Variants in TOM1 observed in about 807,000 individuals in gnomAD.
TOM1 encodes the protein target of Myb protein 1.
Under a neutral mutation model 61.3 loss-of-function variants are expected in TOM1, and 38 were observed. The ratio of observed to expected loss-of-function variants is 0.62; its 90% CI spans 0.48 to 0.81. The LOEUF is 0.81. TOM1 is among the 40% of genes least tolerant of loss of function. The probability of loss-of-function intolerance (pLI) is 0.00; values close to 1 mark genes in which losing one functional copy is unlikely to be tolerated. For missense variants in TOM1, 591 were observed against 659.6 expected, an observed-to-expected ratio of 0.90 and a Z score of 1.14; for synonymous variants, 270 against 268.8, an observed-to-expected ratio of 1.00 and a Z score of -0.04.
chr22:35,319,453 T>A (rs1927585308), intron 2 of TOM1, among the ~76,000 whole-genome samples: 1 of 152,204 alleles, frequency 6.6e-6, no homozygotes, highest in Non-Finnish European at 1.5e-5. Flanking sequence ...CTCCTTGTCA[T>A]ACACTTTGTG....
intron 3 of TOM1, 173 bp downstream of exon 3, chr22:35,322,210 G>C (rs927591946): frequency 2.0e-5 from 12 of 608,072 alleles, no homozygotes; most frequent in Middle Eastern, 4.4e-4. Context: ...AATGGCAAGA[G>C]GCCATTTGGA....
intron 12 of TOM1, 50 bp from the exon 13 acceptor site, chr22:35,345,675 T>C: frequency 6.3e-7 from 1 of 1,596,888 alleles, no homozygotes. Context: ...CTGGCACGTC[T>C]TCCACCTTGT....
At chr22:35,324,314 C>T (rs1346293118) in intron 6 of TOM1, among the ~76,000 whole-genome samples, 2 of 149,864 alleles carry the variant, frequency 1.3e-5, no homozygotes, top group Non-Finnish European at 2.9e-5. Flanking sequence ...GGCATGGTCA[C>T]GTGCGTCTGT....
intron 12 of TOM1, among the ~76,000 whole-genome samples, chr22:35,340,024 T>C (rs1004988883): frequency 6.6e-6 from 1 of 152,184 alleles, no homozygotes; most frequent in African/African-American, 2.4e-5. Context: ...ACCGAGCACA[T>C]TTTGTGGGTG....
intron 7 of TOM1, 69 bp from the exon 8 acceptor site, chr22:35,330,278 C>CAAA (rs879087966): frequency 3.5e-6 from 4 of 1,142,234 alleles, no homozygotes; most frequent in Non-Finnish European, 3.6e-6. Flanking sequence ...CTCCGTCTCA[C>CAAA]AAAAAAAAAA....
chr22:35,319,408 T>C (rs1927579980), intron 2 of TOM1, among the ~76,000 whole-genome samples: 1 of 152,192 alleles, frequency 6.6e-6, no homozygotes, highest in East Asian at 1.9e-4. Context: ...AAACTTAGCC[T>C]CGTTGCTAAA....
intron 1 of TOM1, among the ~76,000 whole-genome samples, chr22:35,311,769 G>A (rs1475252134): frequency 6.6e-6 from 1 of 152,244 alleles, no homozygotes; most frequent in Non-Finnish European, 1.5e-5. Flanking sequence ...CCCCACGACA[G>A]TTGGGGATGT....
At chr22:35,304,178 T>C (rs934235104) in intron 1 of TOM1, among the ~76,000 whole-genome samples, 1 of 152,166 alleles carries the variant, frequency 6.6e-6, no homozygotes, top group Non-Finnish European at 1.5e-5. Flanking sequence ...AGGTCTTCTT[T>C]TGTACCCTCA....
chr22:35,322,074 C>T (rs370999345), intron 3 of TOM1, 37 bp downstream of exon 3: 93 of 1,592,992 alleles, frequency 5.8e-5, no homozygotes, highest in Non-Finnish European at 6.9e-5. Context: ...GGCAGGACTA[C>T]GGTCCACTGA....
intron 10 of TOM1, among the ~76,000 whole-genome samples, 153 bp from the exon 11 acceptor site, chr22:35,334,175 C>T (rs1043141610): frequency 6.6e-6 from 1 of 152,224 alleles, no homozygotes. Context: ...CAAGGCCCCA[C>T]AGCCAGCAGC....
At chr22:35,320,035 G>T (rs552722575) in intron 2 of TOM1, among the ~76,000 whole-genome samples, 54 of 152,356 alleles carry the variant, frequency 3.5e-4, no homozygotes, top group African/African-American at 1.2e-3. Flanking sequence ...AGCCGGATGG[G>T]TCCCAGTGGC....
At position 35,347,444 on chromosome 22, in the gene TOM1, C is replaced by A. The variant is rs1930609202; in HGVS notation, c.*235C>A. ...CTGGCTGCTCTGCCTCCTTTCCCACCCCAGCTGACCATGAGACTTTGCTGA... is the reference window on the plus strand; with the variant it reads ...CTGGCTGCTCTGCCTCCTTTCCCACACCAGCTGACCATGAGACTTTGCTGA... On this transcript the variant is annotated 3_prime_UTR_variant, in exon 15 of 15. Coordinates refer to ENST00000449058, the MANE Select transcript of TOM1 (RefSeq NM_005488.3). The A allele has an allele frequency of 1.3e-5, 6 of 446,118 alleles. No individual in the cohort carries two copies. In the East Asian group the frequency reaches 2.2e-4, roughly 16 times the overall value. 27.6% of individuals were successfully genotyped at this position (446,118 alleles called of 1,614,324 possible).
chr22:35,305,501 A>G (rs1016705919), intron 1 of TOM1, among the ~76,000 whole-genome samples: 1 of 152,190 alleles, frequency 6.6e-6, no homozygotes, highest in Non-Finnish European at 1.5e-5. Flanking sequence ...CTCTACTAAA[A>G]ATACAAAAAT....
intron 12 of TOM1, among the ~76,000 whole-genome samples, chr22:35,343,954 A>G (rs1930266479): frequency 6.7e-6 from 1 of 150,052 alleles, no homozygotes. Context: ...CACACACCAC[A>G]TACATCTATA....
intron 11 of TOM1, 76 bp from the exon 12 acceptor site, chr22:35,338,637 G>GC: frequency 2.4e-6 from 3 of 1,237,398 alleles, no homozygotes; most frequent in Non-Finnish European, 2.2e-6. Flanking sequence ...GTCAATCTGT[G>GC]CCCCCCAGCC....
At position 35,333,418 on chromosome 22, in the gene TOM1, C is replaced by G; in HGVS notation, c.948C>G (p.Ala316=). 1 of 1,613,930 alleles carries G rather than the reference C, an allele frequency of 6.2e-7. No individual in the cohort carries two copies. Residue 316 remains alanine, a synonymous_variant, in exon 10 of 15, where the codon GCC becomes GCG. Coordinates refer to ENST00000449058, the MANE Select transcript of TOM1 (RefSeq NM_005488.3). The stretch of plus-strand genomic sequence containing the variant: ...CTTCCCACCAGGCCCCAAGTGAGGC[C>G]GAGCCGGCAGCTGACCTGATCGACA... ...TGQTTKAPSE[A]EPAADLIDMG...
intron 7 of TOM1, among the ~76,000 whole-genome samples, chr22:35,328,159 C>G (rs1928505891): frequency 6.6e-6 from 1 of 152,186 alleles, no homozygotes; most frequent in Admixed American, 6.5e-5. Flanking sequence ...CCTGACCGAG[C>G]TGACTCTGCA....
intron 9 of TOM1, 94 bp downstream of exon 9, chr22:35,333,108 T>C (rs763644908): frequency 3.7e-6 from 5 of 1,339,968 alleles, no homozygotes; most frequent in Non-Finnish European, 5.4e-6. Context: ...CTGGACAGGG[T>C]GGTGCTGTCT....
chr22:35,347,414 G>A lies in TOM1; in HGVS notation c.*205G>A. On this transcript the variant is annotated 3_prime_UTR_variant, in exon 15 of 15. Transcript: ENST00000449058. Reference sequence around the variant, plus strand: ...CTGGGGGACAGGTCTGCGCTGCAGTGGGATCTGGCTGCTCTGCCTCCTTTC... The same window carrying A: ...CTGGGGGACAGGTCTGCGCTGCAGTAGGATCTGGCTGCTCTGCCTCCTTTC... The A allele has an allele frequency of 2.0e-6, 1 of 507,456 alleles. No individual in the cohort carries two copies. The allele number at this position is 507,456 out of a possible 1,614,324, so 31.4% of individuals were successfully genotyped here.
Sources: allele counts gnomAD v4.1 joint callset (sites outside exome capture counted in the v4.1 genomes callset), GRCh38; gene constraint gnomAD v4.1.1; transcripts MANE v1.5; gene names NCBI Gene and HGNC (gene_info 2026-07-23, HGNC 2026-07-21).